Variants in GALNTL6 observed in about 807,000 individuals in gnomAD.
GALNTL6 encodes the protein polypeptide N-acetylgalactosaminyltransferase like 6, also known as polypeptide N-acetylgalactosaminyltransferase-like 6.
In GALNTL6, 46 loss-of-function variants were observed where a neutral mutation model predicts 73.7. That is an observed-to-expected ratio of 0.62 (90% CI 0.49 to 0.80). GALNTL6 has a LOEUF of 0.80. Ranked by LOEUF, GALNTL6 falls within the 30% of genes least tolerant of loss-of-function variation. The pLI is 0.00. For synonymous variants in GALNTL6, 259 were observed against 263.7 expected, an observed-to-expected ratio of 0.98 and a Z score of 0.17; for missense variants, 604 against 755.0, an observed-to-expected ratio of 0.80 and a Z score of 2.34.
intron 5 of GALNTL6, among the ~76,000 whole-genome samples, chr4:172,808,872 TG>T (rs1452061259): frequency 1.3e-5 from 2 of 152,322 alleles, no homozygotes; most frequent in East Asian, 1.9e-4. Context: ...TATTAACTTC[TG>T]GGGGAAAAAA....
chr4:172,458,973 T>C lies in GALNTL6; in HGVS notation c.553+110284T>C, dbSNP rs1056026123. Among the ~76,000 whole-genome samples, 17 of 152,188 alleles carry C rather than the reference T, an allele frequency of 1.1e-4. 1 individual carries two copies. On this transcript the variant is annotated intron_variant, in intron 5 of 12. Coordinates refer to ENST00000506823, the MANE Select transcript of GALNTL6 (RefSeq NM_001034845.3). ...GATGTGAAAATCCTCAATAAAATAC[T>C]GGCAAACTAAATTCAGCAGCACATC...
chr4:171,914,278 A>G (rs1737553030), intron 2 of GALNTL6, among the ~76,000 whole-genome samples: 1 of 152,138 alleles, frequency 6.6e-6, no homozygotes, highest in Non-Finnish European at 1.5e-5. Flanking sequence ...TTAAAAAGAA[A>G]GAGACCTATA....
rs1290724928 is a variant in GALNTL6, at chr4:171,951,531, AT to A, written c.138+136814del. 2.6e-5 allele frequency among the ~76,000 whole-genome samples: 4 copies of A among 151,960 alleles called. No individual in the cohort carries two copies. The South Asian group carries it at 6.2e-4, about 24-fold the overall frequency. ...GAGTAAAAATTTAAAATACTAAAAA[AT>A]ATTAACACTTTTATATATTGGACAT... is the stretch of plus-strand genomic sequence containing the variant. On this transcript the variant is annotated intron_variant, in intron 2 of 12. Transcript: ENST00000506823.
At chr4:172,584,527 G>C in intron 5 of GALNTL6, among the ~76,000 whole-genome samples, 1 of 152,220 alleles carries the variant, frequency 6.6e-6, no homozygotes, top group Admixed American at 6.5e-5. Flanking sequence ...CATTTGAAGA[G>C]AAGGGGATAG....
chr4:172,186,838 T>C (rs1365843861), intron 2 of GALNTL6, among the ~76,000 whole-genome samples: 1 of 152,236 alleles, frequency 6.6e-6, no homozygotes, highest in African/African-American at 2.4e-5. Flanking sequence ...GAAGAAAATG[T>C]TTTGGAAATA....
intron 5 of GALNTL6, among the ~76,000 whole-genome samples, chr4:172,662,618 C>G (rs1217478123): frequency 6.6e-6 from 1 of 152,196 alleles, no homozygotes; most frequent in African/African-American, 2.4e-5. Flanking sequence ...TGGTGATTTG[C>G]TCCTGCCTAA....
intron 10 of GALNTL6, among the ~76,000 whole-genome samples, chr4:172,997,680 G>A (rs1208842941): frequency 6.6e-6 from 1 of 152,166 alleles, no homozygotes; most frequent in Non-Finnish European, 1.5e-5. Context: ...GTGGATTAAA[G>A]AGTACAAACA....
chr4:172,750,390 G>A (rs1403705808), intron 5 of GALNTL6, among the ~76,000 whole-genome samples: 1 of 152,120 alleles, frequency 6.6e-6, no homozygotes, highest in Non-Finnish European at 1.5e-5. Flanking sequence ...CCTTTGCTCA[G>A]CTACACACAA....
intron 2 of GALNTL6, among the ~76,000 whole-genome samples, chr4:171,978,487 T>C (rs1195019652): frequency 6.6e-6 from 1 of 152,130 alleles, no homozygotes; most frequent in African/African-American, 2.4e-5. Flanking sequence ...AGCTCACATT[T>C]CAACTGTAAA....
intron 2 of GALNTL6, among the ~76,000 whole-genome samples, chr4:171,824,836 T>G (rs989795549): frequency 2.0e-5 from 3 of 152,210 alleles, no homozygotes; most frequent in South Asian, 2.1e-4. Flanking sequence ...CTTCTTTCAC[T>G]TTTTAAATTC....
At position 172,126,428 on chromosome 4, in the gene GALNTL6, C is replaced by A. The variant is rs540012917; in HGVS notation, c.139-103228C>A. On this transcript the variant is annotated intron_variant, in intron 2 of 12. Coordinates refer to ENST00000506823, the MANE Select transcript of GALNTL6 (RefSeq NM_001034845.3). ...CCAAAATAGCAAACAGGTAATCACA[C>A]TCTGAGTAGATCAACTAATACAGAA... Among the ~76,000 whole-genome samples, 14 of 152,266 alleles carry A rather than the reference C, an allele frequency of 9.2e-5. No individual in the cohort carries two copies. In the South Asian group the frequency reaches 2.3e-3, roughly 25 times the overall value.
At chr4:173,000,812 C>A (rs759718112) in intron 10 of GALNTL6, among the ~76,000 whole-genome samples, 1 of 152,092 alleles carries the variant, frequency 6.6e-6, no homozygotes, top group Non-Finnish European at 1.5e-5. Context: ...AAGGAATGGA[C>A]AGTCTGTTCA....
intron 8 of GALNTL6, among the ~76,000 whole-genome samples, chr4:172,892,236 G>A (rs192343911): frequency 6.6e-6 from 1 of 152,300 alleles, no homozygotes; most frequent in East Asian, 1.9e-4. Context: ...TGAATTGCCT[G>A]AGCCCTTCTC....
intron 5 of GALNTL6, among the ~76,000 whole-genome samples, chr4:172,383,760 A>C (rs12512348): frequency 6.6e-6 from 1 of 151,964 alleles, no homozygotes; most frequent in East Asian, 1.9e-4. Flanking sequence ...TATTTGGTAG[A>C]TGCTTTTCAT....
chr4:172,469,778 G>A (rs767877843), intron 5 of GALNTL6, among the ~76,000 whole-genome samples: 22 of 152,168 alleles, frequency 1.4e-4, no homozygotes, highest in South Asian at 2.1e-4. Context: ...TGCTTTTCAC[G>A]TTATTTTATT....
intron 4 of GALNTL6, among the ~76,000 whole-genome samples, chr4:172,327,720 T>G (rs1740991343): frequency 6.6e-6 from 1 of 152,190 alleles, no homozygotes; most frequent in African/African-American, 2.4e-5. Context: ...CACCCATGTT[T>G]TTTTTCCCCA....
At chr4:172,996,955 C>T (rs1751821682) in intron 10 of GALNTL6, among the ~76,000 whole-genome samples, 1 of 152,128 alleles carries the variant, frequency 6.6e-6, no homozygotes. Context: ...CCGCAGCCTC[C>T]CCTAGAGTCA....
chr4:171,979,145 G>T (rs76297017), intron 2 of GALNTL6, among the ~76,000 whole-genome samples: 3,556 of 152,014 alleles, frequency 0.023, 153 homozygotes, highest in African/African-American at 0.081. Context: ...TACATGATTC[G>T]CATGGCATAA....
chr4:172,138,432 C>G (rs1415563228), intron 2 of GALNTL6, among the ~76,000 whole-genome samples: 1 of 108,284 alleles, frequency 9.2e-6, no homozygotes, highest in Non-Finnish European at 1.8e-5. Flanking sequence ...CCAACTATCT[C>G]AGAGTCAAAT....
Sources: allele counts gnomAD v4.1 joint callset (sites outside exome capture counted in the v4.1 genomes callset), GRCh38; gene constraint gnomAD v4.1.1; transcripts MANE v1.5; gene names NCBI Gene and HGNC (gene_info 2026-07-23, HGNC 2026-07-21).